The following PAK2 variants were observed in gnomAD, a reference collection of about 807,000 sequenced individuals.
PAK2 encodes p21 (RAC1) activated kinase 2.
In PAK2, 21 loss-of-function variants were observed where a neutral mutation model predicts 65.9. The observed-to-expected ratio is 0.32, with a 90% CI of 0.23 to 0.46. PAK2 has a LOEUF of 0.46. Among genes scored for constraint, PAK2 ranks in the 20% least tolerant of loss-of-function variants. The pLI, the probability that PAK2 is intolerant of heterozygous loss-of-function variation, is 1.00. For missense variants in PAK2, 324 were observed against 642.6 expected (o/e 0.50, Z 5.36); for synonymous variants, 204 against 219.7 (o/e 0.93, Z 0.63).
At chr3:196,754,221 T>C (rs1348947925) in intron 1 of PAK2, among the ~76,000 whole-genome samples, 4 of 152,244 alleles carry the variant, frequency 2.6e-5, no homozygotes, top group South Asian at 4.1e-4. Flanking sequence ...TGAAGTAATT[T>C]ACCTTGTAAG....
intron 2 of PAK2, among the ~76,000 whole-genome samples, chr3:196,789,896 A>G (rs549701800): frequency 6.6e-6 from 1 of 152,188 alleles, no homozygotes; most frequent in East Asian, 1.9e-4. Context: ...CGCAGTTCAC[A>G]ATAGGGTTTG....
intron 1 of PAK2, among the ~76,000 whole-genome samples, chr3:196,747,730 G>A (rs1713437207): frequency 6.6e-6 from 1 of 152,068 alleles, no homozygotes; most frequent in Admixed American, 6.6e-5. Flanking sequence ...TTTATAAATA[G>A]TTCTTACTAA....
intron 11 of PAK2, among the ~76,000 whole-genome samples, chr3:196,815,183 A>AAAAAAG (rs1406184036): frequency 6.6e-6 from 1 of 151,154 alleles, no homozygotes; most frequent in Non-Finnish European, 1.5e-5. Flanking sequence ...CCGTCTCAAA[A>AAAAAAG]AAAAAGAAAA....
intron 1 of PAK2, among the ~76,000 whole-genome samples, chr3:196,746,135 T>G (rs1236346781): frequency 6.6e-6 from 1 of 152,166 alleles, no homozygotes; most frequent in Non-Finnish European, 1.5e-5. Flanking sequence ...TAACCCTGTT[T>G]TAGGTCTTTA....
At chr3:196,815,146 C>G (rs1715964228) in intron 11 of PAK2, among the ~76,000 whole-genome samples, 1 of 151,688 alleles carries the variant, frequency 6.6e-6, no homozygotes, top group African/African-American at 2.4e-5. Context: ...CACCACTGCA[C>G]TCCAGCCTGG....
chr3:196,788,280 C>A (rs6773348), intron 2 of PAK2, among the ~76,000 whole-genome samples: 16,614 of 152,138 alleles, frequency 0.11, 1,299 homozygotes, highest in East Asian at 0.44. Context: ...GACCTTAAGA[C>A]TTTTGCCATC....
At chr3:196,759,498 GTTTTTTTTTTTTT>G (rs71301221) in intron 1 of PAK2, among the ~76,000 whole-genome samples, 6 of 108,154 alleles carry the variant, frequency 5.5e-5, no homozygotes, top group Admixed American at 1.1e-4. Flanking sequence ...GGTTTTTTTT[GTTTTTTTTTTTTT>G]TTTTTTTTTT....
At chr3:196,775,879 A>G (rs1473351632) in intron 1 of PAK2, among the ~76,000 whole-genome samples, 1 of 152,230 alleles carries the variant, frequency 6.6e-6, no homozygotes, top group African/African-American at 2.4e-5. Context: ...TAAGGATTGA[A>G]GAGGTTTCTG....
At chr3:196,814,644 A>C (rs1715934372) in intron 11 of PAK2, 76 bp downstream of exon 11, 1 of 732,262 alleles carries the variant, frequency 1.4e-6, no homozygotes, top group African/African-American at 1.8e-5. Flanking sequence ...ATTTTTCTGC[A>C]CAGGTAATTG....
At chr3:196,788,136 G>A (rs1395163605) in intron 2 of PAK2, among the ~76,000 whole-genome samples, 4 of 152,182 alleles carry the variant, frequency 2.6e-5, no homozygotes, top group South Asian at 2.1e-4. Flanking sequence ...AGCATTCCTC[G>A]TGGATTTTAT....
intron 1 of PAK2, among the ~76,000 whole-genome samples, chr3:196,741,440 T>G (rs971657181): frequency 3.3e-5 from 5 of 152,250 alleles, no homozygotes; most frequent in Admixed American, 1.3e-4. Flanking sequence ...AGAGCCTTTT[T>G]CATGTTCTGT....
intron 1 of PAK2, among the ~76,000 whole-genome samples, chr3:196,761,145 CTTTTT>C (rs58174238): frequency 8.4e-6 from 1 of 119,528 alleles, no homozygotes; most frequent in African/African-American, 3.2e-5. Flanking sequence ...AGGAGAACCG[CTTTTT>C]TTTTTTTTTT....
chr3:196,774,110 A>G (rs1714462633), intron 1 of PAK2, among the ~76,000 whole-genome samples: 1 of 152,252 alleles, frequency 6.6e-6, no homozygotes, highest in African/African-American at 2.4e-5. Context: ...ATACATGCAC[A>G]GTACCTGCCT....
chr3:196,787,352 C>A (rs12633634), intron 2 of PAK2, among the ~76,000 whole-genome samples: 120,770 of 151,770 alleles, frequency 0.8, 48,226 homozygotes, highest in Admixed American at 0.86. Context: ...AGGCCGAGGC[C>A]GGCAGATCAC....
chr3:196,749,981 G>A (rs1160028842), intron 1 of PAK2, among the ~76,000 whole-genome samples: 1 of 140,532 alleles, frequency 7.1e-6, no homozygotes, highest in African/African-American at 2.7e-5. Context: ...TACCTTACCT[G>A]GCTATTTCTT....
intron 11 of PAK2, among the ~76,000 whole-genome samples, chr3:196,815,644 G>A (rs1279669828): frequency 6.6e-6 from 1 of 151,848 alleles, no homozygotes; most frequent in Non-Finnish European, 1.5e-5. Flanking sequence ...AAAATTAGCT[G>A]GGTGTGGTGG....
At chr3:196,821,492 T>C (rs1711650496) in intron 13 of PAK2, among the ~76,000 whole-genome samples, 1 of 152,150 alleles carries the variant, frequency 6.6e-6, no homozygotes, top group Admixed American at 6.5e-5. Flanking sequence ...AAGATCAGCC[T>C]GACCAACATG....
chr3:196,799,746 C>T (rs1411707052), intron 2 of PAK2, among the ~76,000 whole-genome samples: 3 of 152,112 alleles, frequency 2.0e-5, no homozygotes, highest in Admixed American at 6.6e-5. Flanking sequence ...CCTCCACCTC[C>T]TGGGTTCAAG....
At chr3:196,777,991 G>A (rs1002764761) in intron 1 of PAK2, among the ~76,000 whole-genome samples, 2 of 152,018 alleles carry the variant, frequency 1.3e-5, no homozygotes, top group African/African-American at 4.8e-5. Flanking sequence ...TCTTCATACC[G>A]GAACATTTGC....
Sources: gnomAD v4.1 joint callset for allele counts (sites outside exome capture counted in the v4.1 genomes callset) on GRCh38, gnomAD v4.1.1 for gene constraint, MANE v1.5 for transcripts, NCBI Gene and HGNC (gene_info 2026-07-23, HGNC 2026-07-21) for gene names.